GORASP1: variants seen among roughly 807,000 people sequenced by gnomAD.
GORASP1 encodes the protein Golgi reassembly-stacking protein 1.
Under a neutral mutation model 37.7 loss-of-function variants are expected in GORASP1, and 31 were observed. The observed-to-expected ratio is 0.82, with a 90% CI of 0.62 to 1.11. The LOEUF (loss-of-function observed/expected upper bound fraction) is 1.11. GORASP1 is among the 50% of genes least tolerant of loss of function. The pLI is 0.00. For synonymous variants in GORASP1, 204 were observed against 224.8 expected (o/e 0.91, Z 0.83); for missense variants, 476 against 560.7 (o/e 0.85, Z 1.53).
chr3:39,103,708 G>A lies in GORASP1; in HGVS notation c.64-155C>T. 1.9e-6 allele frequency: 1 copy of A among 516,830 alleles called. No individual in the cohort carries two copies. The highest frequency in any genetic ancestry group is 3.3e-5 in the East Asian group (1 of 30,248). The allele number at this position is 516,830 out of a possible 1,614,324, so 32.0% of individuals were successfully genotyped here. A position where few individuals can be genotyped will look rare whatever the true frequency, so the allele number is the denominator to read the frequency against. ...CGGACATTCTCAGGGTTCACTCCAT[G>A]GCCTCTTGCTACCTTCCTGGGCACA... is the stretch of plus-strand genomic sequence containing the variant. On this transcript the variant is annotated intron_variant, in intron 1 of 8. Transcript: ENST00000319283. The surrounding 1 kb of genome is among the most constrained non-coding windows in gnomAD (Gnocchi z 5.2).
Position 39,097,957 on chromosome 3 carries a change from A to G in GORASP1, c.*279T>C, listed in dbSNP as rs879448614. ...GCGACCAGGCCAACACTGGACAGCA[A>G]CCCCTTCCTTCCTCACCTCATCTTC... On this transcript the variant is annotated 3_prime_UTR_variant, in exon 9 of 9. Transcript: ENST00000319283. 1.3e-5 allele frequency: 6 copies of G among 446,356 alleles called. No individual in the cohort carries two copies. The highest frequency in any genetic ancestry group is 7.5e-5 in the Admixed American group (2 of 26,578). 27.6% of individuals were successfully genotyped at this position (446,356 alleles called of 1,614,324 possible).
Position 39,097,864 on chromosome 3 carries a change from T to C in GORASP1, c.*372A>G. 5.1e-6 allele frequency: 1 copy of C among 195,586 alleles called. No homozygotes were observed. Among genetic ancestry groups the C allele is most frequent in the Non-Finnish European group, 1.0e-5 (1 of 96,982 alleles). 12.1% of individuals were successfully genotyped at this position (195,586 alleles called of 1,614,324 possible). On this transcript the variant is annotated 3_prime_UTR_variant, in exon 9 of 9. Transcript: ENST00000319283. ...TCAGTGTTTGGGACTTGAAAGGGGG[T>C]GGTCCCAGGGCTCCAGGGTCCCTTC...
intron 1 of GORASP1, chr3:39,107,128 T>G: frequency 4.0e-6 from 2 of 496,952 alleles, no homozygotes. Context: ...CAGGCGAGCG[T>G]AAATGTGTGC....
intron 1 of GORASP1, chr3:39,107,061 A>G (rs933589509): frequency 8.6e-6 from 4 of 462,814 alleles, no homozygotes; most frequent in South Asian, 3.1e-5. Flanking sequence ...GGCCCCCGGG[A>G]CTGTCCTCGG....
At chr3:39,101,598 C>A (rs1304371687) in intron 3 of GORASP1, 2 of 456,098 alleles carry the variant, frequency 4.4e-6, no homozygotes, top group Admixed American at 2.4e-5. Context: ...GGGCAATGAG[C>A]AAAACTGGGT....
At position 39,100,332 on chromosome 3, in the gene GORASP1, T is replaced by C; in HGVS notation, c.738A>G (p.Thr246=). 1 of 1,614,134 alleles carries C rather than the reference T, an allele frequency of 6.2e-7. No homozygotes were observed. Among genetic ancestry groups the C allele is most frequent in the South Asian group, 1.1e-5 (1 of 91,092 alleles). ...CCATGTAGTCACTCTGCCTGGAACC[T>C]GTCTCCAGGGAAGGAGAGTCCTCGG... ...PTPEDSPSLE[T]GSRQSDYMEA... Residue 246 remains threonine (T), a synonymous_variant, in exon 6 of 9, where the codon ACA becomes ACG. Transcript: ENST00000319283. This position sits in a 1 kb window ranked among gnomAD's most constrained non-coding sequence, Gnocchi z 4.6.
At position 39,102,730 on chromosome 3, in the gene GORASP1, C is replaced by T; in HGVS notation, c.296G>A (p.Ser99Asn). The change falls in exon 3 of 9, where the codon AGT becomes AAT. Residue 99 changes from serine to asparagine, a missense_variant. Ser to Asn is a conservative substitution (Grantham distance 46). Coordinates refer to ENST00000319283, the MANE Select transcript of GORASP1 (RefSeq NM_031899.4). This position sits in a 1 kb window ranked among gnomAD's most constrained non-coding sequence, Gnocchi z 5.0. ...CCTGCGGAAGCTGCAGAAGCGCACACTGGCACCCAGTAGGCCCTGGCCGCC... is the reference window on the plus strand; with the variant it reads ...CCTGCGGAAGCTGCAGAAGCGCACATTGGCACCCAGTAGGCCCTGGCCGCC... ...MWGGQGLLGA[S>N]VRFCSFRRAS... 6.2e-7 allele frequency: 1 copy of T among 1,614,230 alleles called. No individual in the cohort carries two copies. Among genetic ancestry groups the T allele is most frequent in the Non-Finnish European group, 8.5e-7 (1 of 1,180,044 alleles).
chr3:39,101,404 C>A (rs2035706073), intron 3 of GORASP1: 1 of 557,002 alleles, frequency 1.8e-6, no homozygotes, highest in South Asian at 1.7e-5. Flanking sequence ...CATTATTGAA[C>A]CTCTCCTAGC....
rs2035825099 is a variant in GORASP1, at chr3:39,103,125, G to A, written c.145-244C>T. 3.3e-6 allele frequency: 2 copies of A among 602,276 alleles called. No individual in the cohort carries two copies. The highest frequency in any genetic ancestry group is 5.9e-6 in the Non-Finnish European group (2 of 338,864). The allele number at this position is 602,276 out of a possible 1,614,324, so 37.3% of individuals were successfully genotyped here. On this transcript the variant is annotated intron_variant, in intron 2 of 8. Coordinates refer to ENST00000319283, the MANE Select transcript of GORASP1 (RefSeq NM_031899.4). This position sits in a 1 kb window ranked among gnomAD's most constrained non-coding sequence, Gnocchi z 5.2. ...TCCTCAGCCTGCCAGAAAAAACAAAGCAAGCAAAAAGCCTCCCAGATCCAC... is the reference window on the plus strand; with the variant it reads ...TCCTCAGCCTGCCAGAAAAAACAAAACAAGCAAAAAGCCTCCCAGATCCAC...
chr3:39,101,144 T>C, intron 3 of GORASP1, 42 bp from the exon 4 acceptor site: 1 of 1,584,378 alleles, frequency 6.3e-7, no homozygotes, highest in Non-Finnish European at 8.7e-7. Context: ...CTACTAGAGG[T>C]GGGGTTGGGG....
rs965022481 is a variant in GORASP1 at position 39,100,575 on chromosome 3, A to G, written c.567-72T>C. On this transcript the variant is annotated intron_variant, in intron 5 of 8. Transcript: ENST00000319283. The surrounding 1 kb of genome is among the most constrained non-coding windows in gnomAD (Gnocchi z 4.6). ...CTCCCTACCTTTGCTATCCCCACCTACTACCAGCAATAAGGGGGCTGAAAA... is the reference window on the plus strand; with the variant it reads ...CTCCCTACCTTTGCTATCCCCACCTGCTACCAGCAATAAGGGGGCTGAAAA... 1 of 1,486,022 alleles carries G rather than the reference A, an allele frequency of 6.7e-7. No homozygotes were observed. The highest frequency in any genetic ancestry group is 1.4e-5 in the African/African-American group (1 of 71,042). The allele number at this position is 1,486,022 out of a possible 1,614,324, so 92.1% of individuals were successfully genotyped here. A position where few individuals can be genotyped will look rare whatever the true frequency, so the allele number is the denominator to read the frequency against.
chr3:39,101,323 G>A, intron 3 of GORASP1: 2 of 611,318 alleles, frequency 3.3e-6, no homozygotes, highest in Non-Finnish European at 5.9e-6. Flanking sequence ...ATAAGGCTCA[G>A]CACCAGGCTC....
chr3:39,103,478 T>G lies in GORASP1; in HGVS notation c.139A>C (p.Arg47=). 2 of 1,612,540 alleles carry G rather than the reference T, an allele frequency of 1.2e-6. No individual in the cohort carries two copies. Among genetic ancestry groups the G allele is most frequent in the Non-Finnish European group, 1.7e-6 (2 of 1,179,188 alleles). Residue 47 remains arginine, a synonymous_variant, in exon 2 of 9, where the codon AGG becomes CGG. Transcript: ENST00000319283. The surrounding 1 kb of genome is among the most constrained non-coding windows in gnomAD (Gnocchi z 5.2). ...FDFIITIGHS[R]LNKENDTLKA... ...AGGCAGGTTGGGGAACTCACCAGCC[T>G]CGAGTGCCCAATGGTGATGATGAAG...
chr3:39,103,637 C>A lies in GORASP1; in HGVS notation c.64-84G>T, dbSNP rs1394950039. The A allele has an allele frequency of 9.8e-7, 1 of 1,020,448 alleles. No homozygotes were observed. The highest frequency in any genetic ancestry group is 1.5e-5 in the South Asian group (1 of 67,260). 63.2% of individuals were successfully genotyped at this position (1,020,448 alleles called of 1,614,324 possible). A position where few individuals can be genotyped will look rare whatever the true frequency, so the allele number is the denominator to read the frequency against. ...TCTCCCCCATTTCAGGAACCATCAGCACTCCCAGTGTGCCAGCCAGAACAC... is the reference window on the plus strand; with the variant it reads ...TCTCCCCCATTTCAGGAACCATCAGAACTCCCAGTGTGCCAGCCAGAACAC... On this transcript the variant is annotated intron_variant, in intron 1 of 8. Coordinates refer to ENST00000319283, the MANE Select transcript of GORASP1 (RefSeq NM_031899.4). This position sits in a 1 kb window ranked among gnomAD's most constrained non-coding sequence, Gnocchi z 5.2.
chr3:39,104,236 C>T (rs2035899179), intron 1 of GORASP1, among the ~76,000 whole-genome samples: 1 of 152,200 alleles, frequency 6.6e-6, no homozygotes. Context: ...AGCTGCCCTA[C>T]CAGCCTCATA....
intron 1 of GORASP1, chr3:39,107,132 T>G: frequency 2.0e-6 from 1 of 505,306 alleles, no homozygotes; most frequent in Non-Finnish European, 3.9e-6. Context: ...CGAGCGTAAA[T>G]GTGTGCTAAG....
At chr3:39,104,813 G>C (rs185751803) in intron 1 of GORASP1, among the ~76,000 whole-genome samples, 2 of 152,224 alleles carry the variant, frequency 1.3e-5, no homozygotes, top group Non-Finnish European at 2.9e-5. Flanking sequence ...TCTGGGCCTA[G>C]TTGGCCTGGC....
Position 39,100,672 on chromosome 3 carries a change from T to C in GORASP1, c.566+75A>G, listed in dbSNP as rs565513811. On this transcript the variant is annotated intron_variant, in intron 5 of 8. Coordinates refer to ENST00000319283, the MANE Select transcript of GORASP1 (RefSeq NM_031899.4). This position sits in a 1 kb window ranked among gnomAD's most constrained non-coding sequence, Gnocchi z 4.6. ...GCCCAACCCTCCTCCATCTCCACCA[T>C]AGAACTCTGAGGTCCATGCCCAATG... The C allele has an allele frequency of 1.9e-6, 3 of 1,572,414 alleles. No homozygotes were observed. The highest frequency in any genetic ancestry group is 1.3e-5 in the African/African-American group (1 of 74,110).
chr3:39,100,740 G>A lies in GORASP1; in HGVS notation c.566+7C>T, dbSNP rs549863051. ...TGGCCCTGCAGCCCTCCAACCCCAC[G>A]AAGTACCTGCCCTCTCCACCCCAGG... On this transcript the variant is annotated splice_region_variant and intron_variant, in intron 5 of 8. Coordinates refer to ENST00000319283, the MANE Select transcript of GORASP1 (RefSeq NM_031899.4). This position sits in a 1 kb window ranked among gnomAD's most constrained non-coding sequence, Gnocchi z 4.6. 7 of 1,613,030 alleles carry A rather than the reference G, an allele frequency of 4.3e-6. No individual in the cohort carries two copies. Among genetic ancestry groups the A allele is most frequent in the South Asian group, 1.1e-5 (1 of 91,046 alleles).
Sources: gnomAD v4.1 joint callset for allele counts (sites outside exome capture counted in the v4.1 genomes callset) on GRCh38, gnomAD v4.1.1 for gene constraint, Gnocchi (gnomAD v3.1) non-coding constraint, MANE v1.5 for transcripts, NCBI Gene and HGNC (gene_info 2026-07-23, HGNC 2026-07-21) for gene names.